CALN1: variants seen among roughly 807,000 people sequenced by gnomAD.
CALN1 encodes the protein calcium-binding protein 8.
A neutral mutation model predicts 30.6 loss-of-function variants in CALN1; 17 were observed. The ratio of observed to expected loss-of-function variants is 0.56; its 90% CI spans 0.38 to 0.83. The LOEUF (loss-of-function observed/expected upper bound fraction) is 0.83, where lower values mean the gene tolerates loss of function less well. Ranked by LOEUF, CALN1 falls within the 40% of genes least tolerant of loss-of-function variation. The probability of loss-of-function intolerance (pLI) is 0.00; values close to 1 mark genes in which losing one functional copy is unlikely to be tolerated. For missense variants in CALN1, 291 were observed against 354.9 expected, an observed-to-expected ratio of 0.82 and a Z score of 1.45; for synonymous variants, 156 against 131.4, an observed-to-expected ratio of 1.19 and a Z score of -1.28.
intron 6 of CALN1, among the ~76,000 whole-genome samples, chr7:71,797,576 T>C (rs1253017955): frequency 2.6e-5 from 4 of 152,130 alleles, no homozygotes; most frequent in Non-Finnish European, 4.4e-5. Context: ...AAGAGGAAGA[T>C]AAGTCATGCT....
At position 72,054,440 on chromosome 7, in the gene CALN1, T is replaced by TATATAC. The variant is rs1464862351; in HGVS notation, c.389-30672_389-30671insGTATAT. Among the ~76,000 whole-genome samples the TATATAC allele has an allele frequency of 1.9e-3, 149 of 77,840 alleles. 3 individuals are homozygous for TATATAC. Among genetic ancestry groups the TATATAC allele is most frequent in the South Asian group, 4.1e-3 (13 of 3,182 alleles). The allele number at this position is 77,840 out of a possible 152,430, so 51.1% of individuals were successfully genotyped here. A position where few individuals can be genotyped will look rare whatever the true frequency, so the allele number is the denominator to read the frequency against. ...ATACGTGTATATATACACGTATATATATATATACATATATATACATATATA... is the reference window on the plus strand; with the variant it reads ...ATACGTGTATATATACACGTATATATATATACATATATACATATATATACATATATA... On this transcript the variant is annotated intron_variant, in intron 4 of 6. Transcript: ENST00000395275.
intron 5 of CALN1, among the ~76,000 whole-genome samples, chr7:71,970,066 C>T (rs1328045695): frequency 2.0e-5 from 3 of 152,040 alleles, no homozygotes; most frequent in Non-Finnish European, 4.4e-5. Context: ...CTCAACTGAT[C>T]CTGAACTCTT....
At chr7:72,464,414 G>A in the CALN1 span, among the ~76,000 whole-genome samples, 11,904 of 152,158 alleles carry the variant, frequency 0.078, 1,558 homozygotes, top group African/African-American at 0.27. Flanking sequence ...TCTTTTCTTC[G>A]ATGCCTCTGG....
At chr7:72,324,046 T>C (rs183302448) in intron 2 of CALN1, among the ~76,000 whole-genome samples, 2 of 152,134 alleles carry the variant, frequency 1.3e-5, no homozygotes, top group East Asian at 3.9e-4. Flanking sequence ...TGTTTTGTTT[T>C]TTTAAATGCA....
At chr7:72,304,414 G>A (rs1303335125) in intron 2 of CALN1, among the ~76,000 whole-genome samples, 1 of 152,060 alleles carries the variant, frequency 6.6e-6, no homozygotes, top group South Asian at 2.1e-4. Context: ...GGGCCAGGAA[G>A]GGGGGATTGC....
intron 5 of CALN1, among the ~76,000 whole-genome samples, chr7:71,999,777 T>C (rs1007809330): frequency 5.3e-5 from 8 of 152,280 alleles, no homozygotes; most frequent in African/African-American, 1.9e-4. Flanking sequence ...CCTCCCAAAG[T>C]GCTGAGATTA....
intron 4 of CALN1, among the ~76,000 whole-genome samples, chr7:72,029,652 T>C (rs1239269723): frequency 6.6e-6 from 1 of 152,178 alleles, no homozygotes; most frequent in East Asian, 1.9e-4. Flanking sequence ...GCGCACATGA[T>C]GAAATCTGCA....
At chr7:72,258,694 G>C (rs1796083729) in intron 3 of CALN1, among the ~76,000 whole-genome samples, 1 of 152,136 alleles carries the variant, frequency 6.6e-6, no homozygotes, top group Non-Finnish European at 1.5e-5. Context: ...GAGGTGGGCA[G>C]ATCACCCAAG....
At chr7:72,490,614 G>C in the CALN1 span, among the ~76,000 whole-genome samples, 1 of 152,086 alleles carries the variant, frequency 6.6e-6, no homozygotes, top group Non-Finnish European at 1.5e-5. Context: ...ACTGGATCAT[G>C]GGGGGCAGAT....
intron 3 of CALN1, among the ~76,000 whole-genome samples, chr7:72,108,705 G>A (rs928828865): frequency 1.3e-5 from 2 of 152,174 alleles, no homozygotes; most frequent in Non-Finnish European, 2.9e-5. Context: ...TCCTGGGTCT[G>A]GTAGGTGATG....
At chr7:72,242,255 ACATTCT>A (rs1794889021) in intron 3 of CALN1, among the ~76,000 whole-genome samples, 1 of 152,194 alleles carries the variant, frequency 6.6e-6, no homozygotes, top group South Asian at 2.1e-4. Context: ...TGGCTATACC[ACATTCT>A]TTCCACCTTT....
rs764276435 is a variant in CALN1, at chr7:72,247,227, C to CTTTTTTTT, written c.244+31451_244+31458dup. Among the ~76,000 whole-genome samples, 132 of 77,676 alleles carry CTTTTTTTT rather than the reference C, an allele frequency of 1.7e-3. 16 individuals carry two copies. The highest frequency in any genetic ancestry group is 2.4e-3 in the Non-Finnish European group (101 of 42,940). The allele number at this position is 77,676 out of a possible 152,430, so 51.0% of individuals were successfully genotyped here. On this transcript the variant is annotated intron_variant, in intron 3 of 6. Coordinates refer to ENST00000395275, the MANE Select transcript of CALN1 (RefSeq NM_031468.4). ...GGGTTTTCAACAGACCATTTTCTTT[C>CTTTTTTTT]TTTTTTTTTTTTTTTTTTTTTTTTT...
At chr7:72,441,973 C>T (rs945186459) in intron 1 of CALN1, among the ~76,000 whole-genome samples, 7 of 152,008 alleles carry the variant, frequency 4.6e-5, no homozygotes, top group African/African-American at 1.4e-4. Flanking sequence ...GAGAAACACC[C>T]GACTCCTGCT....
chr7:72,499,826 CTTCT>C, the CALN1 span, among the ~76,000 whole-genome samples: 383 of 53,146 alleles, frequency 7.2e-3, no homozygotes, highest in Middle Eastern at 0.018. Flanking sequence ...TCCTTCCTTC[CTTCT>C]TTCTTTCTTT....
chr7:72,414,000 T>A (rs1308126550), upstream of CALN1, among the ~76,000 whole-genome samples: 1 of 152,076 alleles, frequency 6.6e-6, no homozygotes. Flanking sequence ...TGTTTTTGAG[T>A]CCCCTGCTAC....
intron 2 of CALN1, among the ~76,000 whole-genome samples, chr7:72,354,081 G>T (rs1803088965): frequency 6.6e-6 from 1 of 152,070 alleles, no homozygotes. Context: ...CAGCTACTCG[G>T]GAGGCTGAGG....
chr7:72,097,639 T>G (rs1376905169), intron 4 of CALN1, among the ~76,000 whole-genome samples: 1 of 112,050 alleles, frequency 8.9e-6, no homozygotes, highest in Non-Finnish European at 1.8e-5. Context: ...AGACCCCCTA[T>G]GTCTACCCAA....
At chr7:72,229,817 C>T (rs1054449847) in intron 3 of CALN1, among the ~76,000 whole-genome samples, 5 of 151,800 alleles carry the variant, frequency 3.3e-5, no homozygotes, top group African/African-American at 1.2e-4. Context: ...AGCATTAGGA[C>T]AAATACATAA....
At chr7:72,202,366 A>T (rs1310208816) in intron 3 of CALN1, among the ~76,000 whole-genome samples, 1 of 152,190 alleles carries the variant, frequency 6.6e-6, no homozygotes, top group African/African-American at 2.4e-5. Context: ...TTCAGAATAG[A>T]GTAGAACAAA....
Sources: allele counts gnomAD v4.1 joint callset (sites outside exome capture counted in the v4.1 genomes callset), GRCh38; gene constraint gnomAD v4.1.1; transcripts MANE v1.5; gene names NCBI Gene and HGNC (gene_info 2026-07-23, HGNC 2026-07-21).